Variants in CSMD1 observed in about 807,000 individuals in gnomAD.
The protein encoded by CSMD1 is CUB and Sushi multiple domains 1.
A neutral mutation model predicts 417.5 loss-of-function variants in CSMD1; 213 were observed. The ratio of observed to expected loss-of-function variants is 0.51; its 90% confidence interval spans 0.46 to 0.57. The LOEUF is 0.57. Ranked by LOEUF, CSMD1 falls within the 20% of genes least tolerant of loss-of-function variation. The probability of loss-of-function intolerance (pLI) is 0.00; values close to 1 mark genes in which losing one functional copy is unlikely to be tolerated. For missense variants in CSMD1, 6,923 were observed against 4,529.7 expected (o/e 1.53, Z -15.17); for synonymous variants, 2,862 against 1,736.8 (o/e 1.65, Z -16.11).
At position 4,576,467 on chromosome 8, in the gene CSMD1, GA is replaced by G. The variant is rs1289640140; in HGVS notation, c.302+60874del. On this transcript the variant is annotated intron_variant, in intron 2 of 69. Coordinates refer to ENST00000635120, the MANE Select transcript of CSMD1 (RefSeq NM_033225.6). ...TCCTTAATAGTCCTTCGTTTGGCTG[GA>G]AGGTATATATTTTTTCACATACAGT... 2.9e-3 allele frequency among the ~76,000 whole-genome samples: 439 copies of G among 152,246 alleles called. 4 individuals carry two copies. Among genetic ancestry groups the G allele is most frequent in the African/African-American group, 9.5e-3 (393 of 41,550 alleles).
chr8:3,970,199 T>C (rs1167857057), intron 5 of CSMD1, among the ~76,000 whole-genome samples: 1 of 152,040 alleles, frequency 6.6e-6, no homozygotes, highest in Non-Finnish European at 1.5e-5. Context: ...AGGGACTTTC[T>C]TTTACAAACT....
At chr8:4,912,463 A>C (rs1334235579) in intron 1 of CSMD1, among the ~76,000 whole-genome samples, 8 of 151,844 alleles carry the variant, frequency 5.3e-5, no homozygotes, top group Non-Finnish European at 8.8e-5. Flanking sequence ...AAACGGGAGG[A>C]GAGCATTTCT....
In CSMD1 at chr8:3,181,118, T is replaced by C. The variant is rs780665594; in HGVS notation, c.5717A>G (p.Glu1906Gly). The C allele has an allele frequency of 2.5e-6, 4 of 1,611,944 alleles. No homozygotes were observed. The South Asian group carries it at 4.4e-5, about 18-fold the overall frequency. Residue 1906 changes from glutamate to glycine, a missense_variant, in exon 37 of 70, where the codon GAA becomes GGA. Transcript: ENST00000635120. Reference sequence around the variant, plus strand: ...GAAAGAGTTGACCTTACTTTTGTATTCCAGGTGGAAACCAGCAGCTGCCAC... The same window carrying C: ...GAAAGAGTTGACCTTACTTTTGTATCCCAGGTGGAAACCAGCAGCTGCCAC... ...ISVAAAGFHLEYKTVGLAACQ... is the reference protein window; with the variant it reads ...ISVAAAGFHLGYKTVGLAACQ...
intron 1 of CSMD1, among the ~76,000 whole-genome samples, chr8:4,870,393 A>G (rs1250136506): frequency 1.3e-5 from 2 of 152,182 alleles, no homozygotes; most frequent in African/African-American, 4.8e-5. Flanking sequence ...AAACCCTTCA[A>G]CAGAGCTAGA....
chr8:3,862,772 A>G (rs1309537262), intron 5 of CSMD1, among the ~76,000 whole-genome samples: 1 of 152,230 alleles, frequency 6.6e-6, no homozygotes, highest in Non-Finnish European at 1.5e-5. Context: ...TGACGAGATT[A>G]CACACAGAGA....
chr8:3,925,320 T>C (rs544112899), intron 5 of CSMD1, among the ~76,000 whole-genome samples: 5 of 152,350 alleles, frequency 3.3e-5, no homozygotes, highest in African/African-American at 9.6e-5. Flanking sequence ...AAAGTACTTG[T>C]GCATTTATAT....
intron 62 of CSMD1, among the ~76,000 whole-genome samples, chr8:2,959,644 G>T (rs895743383): frequency 2.6e-5 from 4 of 152,132 alleles, no homozygotes; most frequent in African/African-American, 7.2e-5. Context: ...GGACACGCTG[G>T]CTGGAGAACG....
intron 1 of CSMD1, among the ~76,000 whole-genome samples, chr8:4,947,113 C>G (rs1808420361): frequency 6.6e-6 from 1 of 152,104 alleles, no homozygotes; most frequent in African/African-American, 2.4e-5. Flanking sequence ...TCTATAACTA[C>G]TTGTATCCAT....
chr8:3,411,503 C>T (rs1812697970), intron 12 of CSMD1, among the ~76,000 whole-genome samples: 1 of 151,628 alleles, frequency 6.6e-6, no homozygotes. Context: ...CCTTTGCATC[C>T]TCATAGCTTA....
rs191579421 is a variant in CSMD1, at chr8:3,639,018, A to G, written c.1010-22221T>C. 2.6e-5 allele frequency among the ~76,000 whole-genome samples: 4 copies of G among 152,340 alleles called. No individual in the cohort carries two copies. In the East Asian group the frequency reaches 5.8e-4, roughly 22 times the overall value. ...CTTAACTCCCTGAAGTTGTGAGTGA[A>G]TATTTGTCCCCAATATCCTTCTTTC... On this transcript the variant is annotated intron_variant, in intron 7 of 69. Transcript: ENST00000635120.
chr8:3,090,030 T>C (rs1185621988), intron 48 of CSMD1, among the ~76,000 whole-genome samples: 2 of 152,152 alleles, frequency 1.3e-5, no homozygotes, highest in Non-Finnish European at 2.9e-5. Flanking sequence ...AGTCTGACTA[T>C]CGGCCGGGCG....
intron 1 of CSMD1, among the ~76,000 whole-genome samples, chr8:4,751,857 T>C (rs114117040): frequency 1.3e-5 from 2 of 152,272 alleles, no homozygotes; most frequent in African/African-American, 2.4e-5. Flanking sequence ...AAATAGTGCA[T>C]TGGTGTGCAG....
rs543616648 is a variant in CSMD1 at position 2,990,056 on chromosome 8, T to G, written c.8377+7955A>C. ...CACCTAAGACGTGAAGACATAATTA[T>G]GCTGTCCCCCTGTGTGGAGGTAACT... On this transcript the variant is annotated intron_variant, in intron 54 of 69. Transcript: ENST00000635120. Among the ~76,000 whole-genome samples the G allele has an allele frequency of 5.9e-5, 9 of 152,356 alleles. No individual in the cohort carries two copies. In the East Asian group the frequency reaches 1.7e-3, roughly 29 times the overall value.
intron 6 of CSMD1, among the ~76,000 whole-genome samples, chr8:3,742,819 A>G (rs1351594752): frequency 1.3e-5 from 2 of 152,250 alleles, no homozygotes; most frequent in Non-Finnish European, 2.9e-5. Context: ...AACTCCTCAT[A>G]TAAGGAGACC....
intron 1 of CSMD1, among the ~76,000 whole-genome samples, chr8:4,970,488 C>T (rs556364089): frequency 6.6e-6 from 1 of 152,116 alleles, no homozygotes; most frequent in Non-Finnish European, 1.5e-5. Context: ...CATTATAACC[C>T]CATTCTCATG....
At chr8:3,806,701 T>C (rs908406726) in intron 5 of CSMD1, among the ~76,000 whole-genome samples, 5 of 152,144 alleles carry the variant, frequency 3.3e-5, no homozygotes, top group Non-Finnish European at 5.9e-5. Context: ...AACAATCTAA[T>C]GAGAGGTAAT....
At chr8:4,585,793 G>A (rs1799669845) in intron 2 of CSMD1, among the ~76,000 whole-genome samples, 1 of 152,146 alleles carries the variant, frequency 6.6e-6, no homozygotes, top group African/African-American at 2.4e-5. Flanking sequence ...GACATTTTAA[G>A]TTAAATTAAA....
intron 3 of CSMD1, among the ~76,000 whole-genome samples, chr8:4,164,632 G>A (rs954553803): frequency 6.6e-6 from 1 of 152,062 alleles, no homozygotes; most frequent in Non-Finnish European, 1.5e-5. Context: ...ACATACTTCT[G>A]TGATTGAGTC....
chr8:4,525,538 G>T (rs1256935589), intron 2 of CSMD1, among the ~76,000 whole-genome samples: 1 of 152,114 alleles, frequency 6.6e-6, no homozygotes, highest in Non-Finnish European at 1.5e-5. Context: ...ACTCTTCCTT[G>T]TAGCAACCCC....
Sources: gnomAD v4.1 joint callset for allele counts (sites outside exome capture counted in the v4.1 genomes callset) on GRCh38, gnomAD v4.1.1 for gene constraint, MANE v1.5 for transcripts, NCBI Gene and HGNC (gene_info 2026-07-23, HGNC 2026-07-21) for gene names.